The following FBXO32 variants were observed in gnomAD, a reference collection of about 807,000 sequenced individuals.
The protein encoded by FBXO32 is F-box only protein 32.
FBXO32 carries 15 observed loss-of-function variants against 48.3 expected under a neutral mutation model. The ratio of observed to expected loss-of-function variants is 0.31; its 90% CI spans 0.21 to 0.48. FBXO32 has a LOEUF of 0.48. FBXO32 is among the 20% of genes least tolerant of loss of function. The probability of loss-of-function intolerance (pLI) is 0.99; values close to 1 mark genes in which losing one functional copy is unlikely to be tolerated. For synonymous variants in FBXO32, 154 were observed against 165.9 expected (o/e 0.93, Z 0.55); for missense variants, 309 against 432.7 (o/e 0.71, Z 2.54).
intron 4 of FBXO32, 23 bp from the exon 5 acceptor site, chr8:123,514,356 C>A: frequency 6.3e-7 from 1 of 1,594,522 alleles, no homozygotes; most frequent in Non-Finnish European, 8.6e-7. Flanking sequence ...ATAGAAGTTG[C>A]CAGGCTTAGA....
At chr8:123,535,736 G>A (rs899876143) in intron 1 of FBXO32, among the ~76,000 whole-genome samples, 3 of 151,842 alleles carry the variant, frequency 2.0e-5, no homozygotes, top group South Asian at 2.1e-4. Flanking sequence ...AAATACTGAG[G>A]TATGATAAGA....
At chr8:123,504,925 AC>A (rs1158287125) in intron 7 of FBXO32, among the ~76,000 whole-genome samples, 178 bp from the exon 8 acceptor site, 1 of 152,198 alleles carries the variant, frequency 6.6e-6, no homozygotes, top group Non-Finnish European at 1.5e-5. Flanking sequence ...CCTCAGTTAA[AC>A]AGTAGCTTTT....
chr8:123,507,204 CCTT>C (rs1161817574), intron 6 of FBXO32, among the ~76,000 whole-genome samples: 39 of 152,310 alleles, frequency 2.6e-4, no homozygotes, highest in African/African-American at 8.9e-4. Context: ...TTTGCAATAT[CCTT>C]CTTTTTGTCA....
At chr8:123,536,197 T>C (rs1817306300) in intron 1 of FBXO32, among the ~76,000 whole-genome samples, 1 of 152,216 alleles carries the variant, frequency 6.6e-6, no homozygotes, top group South Asian at 2.1e-4. Flanking sequence ...CATAAGGCCG[T>C]GCTTAATACC....
At chr8:123,514,145 G>T in intron 5 of FBXO32, 95 bp downstream of exon 5, 1 of 808,144 alleles carries the variant, frequency 1.2e-6, no homozygotes, top group Non-Finnish European at 1.9e-6. Flanking sequence ...CCATTCACAT[G>T]TCTTTAAGTC....
chr8:123,528,110 C>CCTGGA (rs1465803626), intron 4 of FBXO32, among the ~76,000 whole-genome samples: 1 of 152,180 alleles, frequency 6.6e-6, no homozygotes, highest in Non-Finnish European at 1.5e-5. Flanking sequence ...AGTAGCAATG[C>CCTGGA]CTGGGTACCA....
rs111755253 is a variant in FBXO32, at chr8:123,521,784, G to A, written c.373-7451C>T. ...TGCCAGAGTTATCAAAGGCAGAAAC[G>A]AGTCCCAGCCTCAAGCAGCCTTGCC... On this transcript the variant is annotated intron_variant, in intron 4 of 8. Coordinates refer to ENST00000517956, the MANE Select transcript of FBXO32 (RefSeq NM_058229.4). Among the ~76,000 whole-genome samples, 145 of 152,216 alleles carry A rather than the reference G, an allele frequency of 9.5e-4. 1 individual carries two copies. Among genetic ancestry groups the A allele is most frequent in the Non-Finnish European group, 1.7e-3 (119 of 68,010 alleles).
Position 123,540,041 on chromosome 8 carries a change from C to G in FBXO32, c.116+858G>C, listed in dbSNP as rs1204598173. Among the ~76,000 whole-genome samples, 2 of 152,166 alleles carry G rather than the reference C, an allele frequency of 1.3e-5. No homozygotes were observed. Among genetic ancestry groups the G allele is most frequent in the Non-Finnish European group, 2.9e-5 (2 of 68,036 alleles). Reference sequence around the variant, plus strand: ...ATCGTTAGCCAAGCTGAGCAGGGAGCGCAGCGGACCTCAGGTTTCCCGCCA... The same window carrying G: ...ATCGTTAGCCAAGCTGAGCAGGGAGGGCAGCGGACCTCAGGTTTCCCGCCA... On this transcript the variant is annotated intron_variant, in intron 1 of 8. Transcript: ENST00000517956. This position sits in a 1 kb window ranked among gnomAD's most constrained non-coding sequence, Gnocchi z 6.4.
At chr8:123,508,779 C>T (rs1816680335) in intron 6 of FBXO32, among the ~76,000 whole-genome samples, 1 of 152,124 alleles carries the variant, frequency 6.6e-6, no homozygotes, top group Non-Finnish European at 1.5e-5. Context: ...GGTTAAAACT[C>T]CCAGGCCAAT....
intron 4 of FBXO32, among the ~76,000 whole-genome samples, chr8:123,528,317 C>G (rs1817130653): frequency 6.6e-6 from 1 of 152,210 alleles, no homozygotes; most frequent in African/African-American, 2.4e-5. Flanking sequence ...GATCCTCTGA[C>G]CTCTCTGTGG....
chr8:123,531,885 A>G lies in FBXO32; in HGVS notation c.372+13T>C. 1.2e-6 allele frequency: 2 copies of G among 1,613,896 alleles called. No individual in the cohort carries two copies. The highest frequency in any genetic ancestry group is 2.2e-5 in the South Asian group (2 of 91,028). On this transcript the variant is annotated intron_variant, in intron 4 of 8. Coordinates refer to ENST00000517956, the MANE Select transcript of FBXO32 (RefSeq NM_058229.4). ...AAAGAGCCTGGATGAGCCTTTAGGC[A>G]CTTGAGACTTACCCGGACCACGTAG...
chr8:123,502,096 C>T lies in FBXO32; in HGVS notation c.*1277G>A, dbSNP rs1306078641. 2.0e-5 allele frequency: 3 copies of T among 152,280 alleles called. No homozygotes were observed. Among genetic ancestry groups the T allele is most frequent in the Non-Finnish European group, 4.4e-5 (3 of 68,026 alleles). The allele number at this position is 152,280 out of a possible 1,614,324, so 9.4% of individuals were successfully genotyped here. On this transcript the variant is annotated 3_prime_UTR_variant, in exon 9 of 9. Transcript: ENST00000517956. Reference sequence around the variant, plus strand: ...AGTTTAAGATGAACTTGTGGTACCTCTCCTCCCTATTTGGCTGGAACTCCA... The same window carrying T: ...AGTTTAAGATGAACTTGTGGTACCTTTCCTCCCTATTTGGCTGGAACTCCA...
intron 4 of FBXO32, among the ~76,000 whole-genome samples, chr8:123,530,474 A>G (rs1336944293): frequency 6.6e-6 from 1 of 152,190 alleles, no homozygotes; most frequent in East Asian, 1.9e-4. Flanking sequence ...GCTACCTCCC[A>G]GGTTGACTGC....
intron 2 of FBXO32, among the ~76,000 whole-genome samples, chr8:123,533,852 G>A (rs1409440559): frequency 6.6e-6 from 1 of 151,822 alleles, no homozygotes; most frequent in Non-Finnish European, 1.5e-5. Flanking sequence ...GTTACATGCT[G>A]TGAACAGAGC....
chr8:123,504,448 C>A (rs551819216), intron 8 of FBXO32, among the ~76,000 whole-genome samples, 156 bp downstream of exon 8: 5 of 151,934 alleles, frequency 3.3e-5, no homozygotes, highest in East Asian at 1.9e-4. Context: ...CCTTCCCCCC[C>A]ACCCTCCCAG....
At chr8:123,522,004 C>T (rs1479170416) in intron 4 of FBXO32, among the ~76,000 whole-genome samples, 4 of 152,132 alleles carry the variant, frequency 2.6e-5, no homozygotes, top group Non-Finnish European at 5.9e-5. Context: ...AGCTTGAACA[C>T]TGACAGGTTG....
In FBXO32 at chr8:123,540,734, G is replaced by A. The variant is rs928638141; in HGVS notation, c.116+165C>T. On this transcript the variant is annotated intron_variant, in intron 1 of 8. Coordinates refer to ENST00000517956, the MANE Select transcript of FBXO32 (RefSeq NM_058229.4). The surrounding 1 kb of genome is among the most constrained non-coding windows in gnomAD (Gnocchi z 6.4). Reference sequence around the variant, plus strand: ...CCGAATTCCCTGTCTCCGGTGGTCCGAAGACCTCTGCAGAAATCGGGCCCC... The same window carrying A: ...CCGAATTCCCTGTCTCCGGTGGTCCAAAGACCTCTGCAGAAATCGGGCCCC... 6.6e-6 allele frequency among the ~76,000 whole-genome samples: 1 copy of A among 152,062 alleles called. No homozygotes were observed. The highest frequency in any genetic ancestry group is 2.4e-5 in the African/African-American group (1 of 41,408).
rs111308096 is a variant in FBXO32, at chr8:123,504,029, G to A, written c.979-567C>T. Among the ~76,000 whole-genome samples, 32 of 149,964 alleles carry A rather than the reference G, an allele frequency of 2.1e-4. 2 individuals carry two copies. The highest frequency in any genetic ancestry group is 6.6e-4 in the African/African-American group (27 of 40,692). Reference sequence around the variant, plus strand: ...TGGGAGGTGGAGGTTGCAATGAGCCGAGGTCCCACCACTGCACTCCAACCT... The same window carrying A: ...TGGGAGGTGGAGGTTGCAATGAGCCAAGGTCCCACCACTGCACTCCAACCT... On this transcript the variant is annotated intron_variant, in intron 8 of 8. Coordinates refer to ENST00000517956, the MANE Select transcript of FBXO32 (RefSeq NM_058229.4).
At chr8:123,532,767 C>A (rs1443679383) in intron 3 of FBXO32, among the ~76,000 whole-genome samples, 1 of 152,210 alleles carries the variant, frequency 6.6e-6, no homozygotes, top group Non-Finnish European at 1.5e-5. Context: ...GTCTTGTCCC[C>A]TCCCACATCA....
Sources: allele counts gnomAD v4.1 joint callset (sites outside exome capture counted in the v4.1 genomes callset), GRCh38; gene constraint gnomAD v4.1.1; non-coding constraint Gnocchi (gnomAD v3.1); transcripts MANE v1.5; gene names NCBI Gene and HGNC (gene_info 2026-07-23, HGNC 2026-07-21).